CDC40: variants seen among roughly 807,000 people sequenced by gnomAD.
CDC40 encodes cell division cycle 40.
CDC40 carries 27 observed loss-of-function variants against 80.6 expected under a neutral mutation model. The observed-to-expected ratio is 0.33, with a 90% CI of 0.25 to 0.46. CDC40 has a LOEUF of 0.46. Among genes scored for constraint, CDC40 ranks in the 20% least tolerant of loss-of-function variants. The pLI, the probability that CDC40 is intolerant of heterozygous loss-of-function variation, is 1.00. For missense variants in CDC40, 486 were observed against 694.1 expected, an observed-to-expected ratio of 0.70 and a Z score of 3.37; for synonymous variants, 221 against 232.6, an observed-to-expected ratio of 0.95 and a Z score of 0.45.
intron 1 of CDC40, among the ~76,000 whole-genome samples, chr6:110,191,836 A>G (rs1479505631): frequency 6.6e-6 from 1 of 152,230 alleles, no homozygotes; most frequent in Non-Finnish European, 1.5e-5. Flanking sequence ...CCGTCATTTT[A>G]TGACAGCAAT....
chr6:110,230,321 A>G lies in CDC40; in HGVS notation c.*190A>G, dbSNP rs1777918952. On this transcript the variant is annotated 3_prime_UTR_variant, in exon 15 of 15. Transcript: ENST00000307731. The stretch of plus-strand genomic sequence containing the variant: ...CTTCATTTTGTTTTTTATAAATGTT[A>G]TTTATACAGAAAGTGGCTATTGACT... 1 of 503,110 alleles carries G rather than the reference A, an allele frequency of 2.0e-6. No individual in the cohort carries two copies. 31.2% of individuals were successfully genotyped at this position (503,110 alleles called of 1,614,324 possible). A position where few individuals can be genotyped will look rare whatever the true frequency, so the allele number is the denominator to read the frequency against.
intron 12 of CDC40, among the ~76,000 whole-genome samples, chr6:110,223,376 A>G (rs937076843): frequency 3.9e-5 from 6 of 152,194 alleles, no homozygotes; most frequent in African/African-American, 1.4e-4. Context: ...GGGGACTGGT[A>G]AGGAGAGAAG....
chr6:110,207,891 T>C (rs1444007652), intron 4 of CDC40, among the ~76,000 whole-genome samples: 1 of 152,238 alleles, frequency 6.6e-6, no homozygotes, highest in African/African-American at 2.4e-5. Flanking sequence ...TTACAACTAA[T>C]GTATAGATAA....
Position 110,219,410 on chromosome 6 carries a change from C to T in CDC40, c.1137C>T (p.Val379=), listed in dbSNP as rs145118099. 4.4e-5 allele frequency: 70 copies of T among 1,609,112 alleles called. No individual in the cohort carries two copies. The African/African-American group carries it at 8.7e-4, about 20-fold the overall frequency. ...RFTNRKVPYC[V]KFNPDEDKQN... is the part of the protein sequence containing the mutation. ...CAAACCGAAAAGTACCTTATTGTGT[C>T]AAATTCAATCCTGATGAAGATAAGC... The change falls in exon 11 of 15, where the codon GTC becomes GTT. Residue 379 remains valine, a synonymous_variant. Transcript: ENST00000307731.
rs762077465 is a variant in CDC40, at chr6:110,213,042, T to C, written c.868-44T>C. ...TTTCTTGATGCTTCATTTGAGCTGATCTTTTGAATGCTTCTGGTTGATAAC... is the reference window on the plus strand; with the variant it reads ...TTTCTTGATGCTTCATTTGAGCTGACCTTTTGAATGCTTCTGGTTGATAAC... On this transcript the variant is annotated intron_variant, in intron 7 of 14. Coordinates refer to ENST00000307731, the MANE Select transcript of CDC40 (RefSeq NM_015891.3). 2.4e-6 allele frequency: 3 copies of C among 1,264,002 alleles called. No homozygotes were observed. The East Asian group carries it at 6.9e-5, about 29-fold the overall frequency. 78.3% of individuals were successfully genotyped at this position (1,264,002 alleles called of 1,614,324 possible).
At chr6:110,193,442 T>A (rs1777377604) in intron 2 of CDC40, among the ~76,000 whole-genome samples, 174 bp downstream of exon 2, 1 of 152,126 alleles carries the variant, frequency 6.6e-6, no homozygotes, top group Non-Finnish European at 1.5e-5. Flanking sequence ...TCTCGCTCTG[T>A]CGCCCAGGCT....
At chr6:110,213,532 G>T (rs1020108368) in intron 8 of CDC40, among the ~76,000 whole-genome samples, 1 of 151,564 alleles carries the variant, frequency 6.6e-6, no homozygotes, top group African/African-American at 2.4e-5. Flanking sequence ...TAGGACTACA[G>T]GCACCCATGG....
chr6:110,212,343 G>C (rs1418454318), intron 7 of CDC40, 71 bp downstream of exon 7: 11 of 1,458,256 alleles, frequency 7.5e-6, no homozygotes, highest in African/African-American at 2.8e-5. Flanking sequence ...TTTAGCTGTT[G>C]ATGTGGAACA....
chr6:110,222,962 T>A (rs949794892), intron 12 of CDC40, among the ~76,000 whole-genome samples: 1 of 152,246 alleles, frequency 6.6e-6, no homozygotes, highest in African/African-American at 2.4e-5. Flanking sequence ...ATAAGATAGG[T>A]ACATTTGTTA....
intron 12 of CDC40, 54 bp from the exon 13 acceptor site, chr6:110,226,113 C>T: frequency 1.1e-6 from 1 of 878,016 alleles, no homozygotes; most frequent in Non-Finnish European, 1.9e-6. Context: ...AGAGATAATT[C>T]TGAAGGTACT....
intron 1 of CDC40, among the ~76,000 whole-genome samples, chr6:110,182,142 T>G (rs763001562): frequency 3.9e-5 from 6 of 152,210 alleles, no homozygotes; most frequent in Non-Finnish European, 7.3e-5. Context: ...GATAAGTTAC[T>G]TAAATGCTCT....
Position 110,204,962 on chromosome 6 carries a change from C to CG in CDC40, c.407-2542dup, listed in dbSNP as rs571914182. On this transcript the variant is annotated intron_variant, in intron 3 of 14. Transcript: ENST00000307731. Reference sequence around the variant, plus strand: ...GATTACAGGCCTGAGCCACGATGCCCGGCCCTATTTCTCTTCATCAAAGAT... The same window carrying CG: ...GATTACAGGCCTGAGCCACGATGCCCGGGCCCTATTTCTCTTCATCAAAGAT... Among the ~76,000 whole-genome samples the CG allele has an allele frequency of 2.0e-4, 30 of 152,202 alleles. No homozygotes were observed. In the South Asian group the frequency reaches 5.8e-3, roughly 29 times the overall value.
chr6:110,209,271 C>G (rs1053376992), intron 5 of CDC40, 48 bp downstream of exon 5: 13 of 1,517,274 alleles, frequency 8.6e-6, no homozygotes, highest in Non-Finnish European at 1.2e-5. Flanking sequence ...CGCTGTATCT[C>G]TATGAAGGAT....
rs1370588617 is a variant in CDC40, at chr6:110,185,266, G to T, written c.189+4633G>T. On this transcript the variant is annotated intron_variant, in intron 1 of 14. Coordinates refer to ENST00000307731, the MANE Select transcript of CDC40 (RefSeq NM_015891.3). ...CTTTTTTTTTTTTTTTTTTGGAGAC[G>T]GAGTCTCGCTCTGTCGCCCAGGCTG... is the stretch of plus-strand genomic sequence containing the variant. 1.6e-4 allele frequency among the ~76,000 whole-genome samples: 20 copies of T among 126,136 alleles called. No homozygotes were observed. The East Asian group carries it at 4.3e-3, about 27-fold the overall frequency. 82.8% of individuals were successfully genotyped at this position (126,136 alleles called of 152,430 possible).
chr6:110,230,651 A>G lies in CDC40; in HGVS notation c.*520A>G, dbSNP rs1234522985. The stretch of plus-strand genomic sequence containing the variant: ...GGCTTCATGAGTTCCACTCCCTTTG[A>G]TGATATATGTTGTATATTTTTAGTT... On this transcript the variant is annotated 3_prime_UTR_variant, in exon 15 of 15. Transcript: ENST00000307731. 6.5e-6 allele frequency: 1 copy of G among 153,106 alleles called. No individual in the cohort carries two copies. The highest frequency in any genetic ancestry group is 1.4e-5 in the Non-Finnish European group (1 of 70,076). 9.5% of individuals were successfully genotyped at this position (153,106 alleles called of 1,614,324 possible).
intron 3 of CDC40, among the ~76,000 whole-genome samples, chr6:110,205,235 C>T (rs927086875): frequency 3.3e-5 from 5 of 150,946 alleles, no homozygotes; most frequent in African/African-American, 7.3e-5. Context: ...ATAAGACTGC[C>T]GAAGGGAAGA....
intron 3 of CDC40, among the ~76,000 whole-genome samples, chr6:110,202,260 A>G (rs1777502973): frequency 1.3e-5 from 2 of 152,180 alleles, no homozygotes; most frequent in Admixed American, 6.5e-5. Flanking sequence ...CACCATGGTA[A>G]GATTGTAATA....
At chr6:110,184,016 T>A (rs1777233342) in intron 1 of CDC40, among the ~76,000 whole-genome samples, 1 of 152,240 alleles carries the variant, frequency 6.6e-6, no homozygotes, top group South Asian at 2.1e-4. Context: ...TAGTCTGTGC[T>A]TGTCAAATTA....
chr6:110,193,980 C>T (rs1777385905), intron 2 of CDC40, among the ~76,000 whole-genome samples: 1 of 152,014 alleles, frequency 6.6e-6, no homozygotes, highest in Non-Finnish European at 1.5e-5. Context: ...TACAGATGCC[C>T]CTGAAGTGTC....
Sources: gnomAD v4.1 joint callset for allele counts (sites outside exome capture counted in the v4.1 genomes callset) on GRCh38, gnomAD v4.1.1 for gene constraint, MANE v1.5 for transcripts, NCBI Gene and HGNC (gene_info 2026-07-23, HGNC 2026-07-21) for gene names.